ROBO2: variants seen among roughly 807,000 people sequenced by gnomAD.
The protein encoded by ROBO2 is roundabout homolog 2.
A neutral mutation model predicts 160.8 loss-of-function variants in ROBO2; 53 were observed. The observed-to-expected ratio is 0.33, with a 90% CI of 0.26 to 0.41. ROBO2 has a LOEUF of 0.41. ROBO2 is among the 10% of genes least tolerant of loss of function. ROBO2 has a pLI of 1.00. For synonymous variants in ROBO2, 664 were observed against 611.7 expected, an observed-to-expected ratio of 1.09 and a Z score of -1.26; for missense variants, 1,577 against 1,722.4, an observed-to-expected ratio of 0.92 and a Z score of 1.49.
At chr3:76,742,942 G>A (rs1463686133) in intron 2 of ROBO2, among the ~76,000 whole-genome samples, 1 of 151,998 alleles carries the variant, frequency 6.6e-6, no homozygotes, top group African/African-American at 2.4e-5. Flanking sequence ...ATGGCCAACA[G>A]TGTTATGATG....
intron 2 of ROBO2, among the ~76,000 whole-genome samples, chr3:75,998,417 C>T (rs557642273): frequency 1.1e-3 from 167 of 152,102 alleles, no homozygotes; most frequent in Non-Finnish European, 1.9e-3. Context: ...ACTCCTCTAC[C>T]AACACTTTCA....
intron 2 of ROBO2, among the ~76,000 whole-genome samples, chr3:77,403,729 AT>A (rs981460292): frequency 6.6e-6 from 1 of 151,730 alleles, no homozygotes; most frequent in Non-Finnish European, 1.5e-5. Flanking sequence ...TGGTATAGTG[AT>A]TTTGTGATTT....
At chr3:77,123,728 A>C (rs1304842051) in intron 2 of ROBO2, among the ~76,000 whole-genome samples, 1 of 105,982 alleles carries the variant, frequency 9.4e-6, no homozygotes, top group Non-Finnish European at 2.0e-5. Flanking sequence ...TAGATAATCT[A>C]TATGTATCTA....
At chr3:76,609,927 T>C (rs1012575141) in intron 2 of ROBO2, among the ~76,000 whole-genome samples, 3 of 152,214 alleles carry the variant, frequency 2.0e-5, no homozygotes, top group Non-Finnish European at 4.4e-5. Flanking sequence ...TTGAATTTTA[T>C]ATAATCCTTT....
In ROBO2 at chr3:76,678,476, C is replaced by T. The variant is rs185589543; in HGVS notation, c.110-419538C>T. On this transcript the variant is annotated intron_variant, in intron 2 of 26. Transcript: ENST00000487694. Reference sequence around the variant, plus strand: ...GGCATTGTGGAGATCCACTGATGATCAGGTTCCAAAGTTCTGCATTAGCAT... The same window carrying T: ...GGCATTGTGGAGATCCACTGATGATTAGGTTCCAAAGTTCTGCATTAGCAT... Among the ~76,000 whole-genome samples the T allele has an allele frequency of 7.7e-4, 117 of 152,146 alleles. 2 individuals are homozygous for T. Among genetic ancestry groups the T allele is most frequent in the African/African-American group, 2.7e-3 (113 of 41,520 alleles).
At chr3:77,028,412 T>C (rs1373606637) in intron 2 of ROBO2, among the ~76,000 whole-genome samples, 1 of 152,120 alleles carries the variant, frequency 6.6e-6, no homozygotes, top group Non-Finnish European at 1.5e-5. Context: ...TCCAAAAACT[T>C]AACAAAACTA....
chr3:77,476,573 C>T (rs2084037340), intron 2 of ROBO2, among the ~76,000 whole-genome samples: 2 of 152,240 alleles, frequency 1.3e-5, no homozygotes, highest in African/African-American at 4.8e-5. Context: ...ATTAATGTAG[C>T]TCTGATTTAC....
At chr3:77,478,313 A>T (rs188270897) in intron 3 of ROBO2, among the ~76,000 whole-genome samples, 162 of 152,324 alleles carry the variant, frequency 1.1e-3, no homozygotes, top group African/African-American at 3.8e-3. Flanking sequence ...TTTCCAATTG[A>T]ATAATATTTA....
intron 2 of ROBO2, among the ~76,000 whole-genome samples, chr3:76,924,721 C>T (rs565807374): frequency 6.6e-6 from 1 of 152,280 alleles, no homozygotes; most frequent in South Asian, 2.1e-4. Flanking sequence ...GTTCTGTTCA[C>T]GGATTTTGGA....
intron 2 of ROBO2, among the ~76,000 whole-genome samples, chr3:76,249,265 G>A (rs1705832623): frequency 6.6e-6 from 1 of 152,076 alleles, no homozygotes; most frequent in Non-Finnish European, 1.5e-5. Context: ...GAACTGGGAA[G>A]TCAAAATGGA....
At chr3:76,890,035 A>G (rs1265544194) in intron 2 of ROBO2, among the ~76,000 whole-genome samples, 1 of 152,126 alleles carries the variant, frequency 6.6e-6, no homozygotes, top group Non-Finnish European at 1.5e-5. Flanking sequence ...TGCCATCCTA[A>G]GGACTTTCCT....
At chr3:77,095,067 G>A (rs1403861216) in intron 1 of ROBO2, among the ~76,000 whole-genome samples, 1 of 151,824 alleles carries the variant, frequency 6.6e-6, no homozygotes, top group African/African-American at 2.4e-5. Flanking sequence ...TATGCTTTTG[G>A]TATCATATCC....
At chr3:77,082,007 A>G (rs1455308673) in intron 1 of ROBO2, among the ~76,000 whole-genome samples, 1 of 152,184 alleles carries the variant, frequency 6.6e-6, no homozygotes, top group Non-Finnish European at 1.5e-5. Context: ...ATGCACACCA[A>G]CTGCATAGGC....
At chr3:76,789,560 G>C (rs2063214919) in intron 2 of ROBO2, among the ~76,000 whole-genome samples, 1 of 151,574 alleles carries the variant, frequency 6.6e-6, no homozygotes. Context: ...TTGTACTGCG[G>C]ATGCAGTAAT....
intron 2 of ROBO2, among the ~76,000 whole-genome samples, chr3:77,238,346 A>C (rs1202621034): frequency 2.6e-5 from 4 of 152,066 alleles, no homozygotes; most frequent in East Asian, 3.9e-4. Flanking sequence ...GTTTTCTGGA[A>C]GTTTTATATT....
chr3:76,572,628 G>A (rs1045220229), intron 2 of ROBO2, among the ~76,000 whole-genome samples: 2 of 152,078 alleles, frequency 1.3e-5, no homozygotes, highest in African/African-American at 2.4e-5. Context: ...AAATGAATAC[G>A]TCAAAAAGTA....
intron 2 of ROBO2, among the ~76,000 whole-genome samples, chr3:76,137,394 T>C (rs573906655): frequency 6.6e-6 from 1 of 152,182 alleles, no homozygotes; most frequent in African/African-American, 2.4e-5. Flanking sequence ...GATGTTAACA[T>C]TGTTCTCATA....
intron 2 of ROBO2, among the ~76,000 whole-genome samples, chr3:77,116,471 C>A (rs1279268569): frequency 6.6e-6 from 1 of 152,188 alleles, no homozygotes; most frequent in African/African-American, 2.4e-5. Context: ...ACCATTGTCA[C>A]ATGGCTTGAG....
chr3:76,590,455 A>G (rs150626192), intron 2 of ROBO2, among the ~76,000 whole-genome samples: 71 of 152,286 alleles, frequency 4.7e-4, no homozygotes, highest in African/African-American at 1.6e-3. Context: ...TATGACATCA[A>G]TGCTGTCAAC....
Sources: allele counts gnomAD v4.1 joint callset (sites outside exome capture counted in the v4.1 genomes callset), GRCh38; gene constraint gnomAD v4.1.1; transcripts MANE v1.5; gene names NCBI Gene and HGNC (gene_info 2026-07-23, HGNC 2026-07-21).